ZNF385D: variants seen among roughly 807,000 people sequenced by gnomAD.
ZNF385D encodes zinc finger protein 659.
A neutral mutation model predicts 35.8 loss-of-function variants in ZNF385D; 15 were observed. That is an observed-to-expected ratio of 0.42 (90% CI 0.28 to 0.64). The LOEUF is 0.64. Among genes scored for constraint, ZNF385D ranks in the 30% least tolerant of loss-of-function variants. ZNF385D has a pLI of 0.23. For synonymous variants in ZNF385D, 212 were observed against 186.8 expected, an observed-to-expected ratio of 1.13 and a Z score of -1.10; for missense variants, 474 against 494.6, an observed-to-expected ratio of 0.96 and a Z score of 0.39.
intron 2 of ZNF385D, among the ~76,000 whole-genome samples, chr3:22,328,041 A>G (rs1325909436): frequency 6.6e-6 from 1 of 152,132 alleles, no homozygotes; most frequent in Non-Finnish European, 1.5e-5. Flanking sequence ...TTTGTTTTTC[A>G]TTACCTAAGT....
chr3:21,938,277 T>C lies in ZNF385D; in HGVS notation c.325+230540A>G, dbSNP rs1701356309. 1.3e-5 allele frequency among the ~76,000 whole-genome samples: 2 copies of C among 152,188 alleles called. 1 individual carries two copies. Among genetic ancestry groups the C allele is most frequent in the South Asian group, 4.1e-4 (2 of 4,828 alleles). ...ACAAGAACCCAGAAGAACGTTTTTG[T>C]GACTGACACCGGTGAGCCTGGCAGA... On this transcript the variant is annotated intron_variant, in intron 3 of 5. Coordinates refer to the ZNF385D transcript ENST00000494108.
At chr3:22,016,959 C>G (rs78030624) in intron 3 of ZNF385D, among the ~76,000 whole-genome samples, 1 of 143,258 alleles carries the variant, frequency 7.0e-6, no homozygotes, top group African/African-American at 2.5e-5. Flanking sequence ...CACACACAAA[C>G]ACACACACAC....
chr3:22,020,571 T>A (rs1697162935), intron 3 of ZNF385D, among the ~76,000 whole-genome samples: 1 of 151,858 alleles, frequency 6.6e-6, no homozygotes, highest in Admixed American at 6.6e-5. Flanking sequence ...TAAACCACAA[T>A]GAGATACCAT....
chr3:21,690,903 G>A (rs549237590), intron 1 of ZNF385D, among the ~76,000 whole-genome samples: 2 of 152,088 alleles, frequency 1.3e-5, no homozygotes, highest in Admixed American at 6.6e-5. Context: ...GTGCACCTAC[G>A]TGATCAATAT....
chr3:21,785,036 G>C (rs1011022313), intron 3 of ZNF385D, among the ~76,000 whole-genome samples: 1 of 152,074 alleles, frequency 6.6e-6, no homozygotes, highest in Admixed American at 6.6e-5. Flanking sequence ...CTCTAACATA[G>C]ATGCACACAC....
In ZNF385D at chr3:22,204,335, T is replaced by G. The variant is rs923250982; in HGVS notation, c.107-35300A>C. On this transcript the variant is annotated intron_variant, in intron 2 of 5. Transcript: ENST00000494108. ...GATAACAGCTGTAGTGACCAAGAACTTGTATGATAAAAGACAAGTTCCTCT... is the reference window on the plus strand; with the variant it reads ...GATAACAGCTGTAGTGACCAAGAACGTGTATGATAAAAGACAAGTTCCTCT... Among the ~76,000 whole-genome samples, 3 of 152,104 alleles carry G rather than the reference T, an allele frequency of 2.0e-5. 1 individual carries two copies. The highest frequency in any genetic ancestry group is 6.8e-3 in the Middle Eastern group (2 of 294).
At chr3:21,809,826 C>A (rs887785097) in intron 3 of ZNF385D, among the ~76,000 whole-genome samples, 1 of 151,190 alleles carries the variant, frequency 6.6e-6, no homozygotes, top group Non-Finnish European at 1.5e-5. Flanking sequence ...GTACAAAAAA[C>A]CAGAATATAA....
chr3:22,292,308 G>A (rs977695385), intron 2 of ZNF385D, among the ~76,000 whole-genome samples: 11 of 151,910 alleles, frequency 7.2e-5, no homozygotes, highest in Non-Finnish European at 1.3e-4. Context: ...AAAACATGCT[G>A]TATATTTACT....
intron 2 of ZNF385D, among the ~76,000 whole-genome samples, chr3:22,349,387 A>G (rs1277362674): frequency 6.6e-6 from 1 of 152,312 alleles, no homozygotes; most frequent in East Asian, 1.9e-4. Flanking sequence ...CAATGGAAAG[A>G]CTGCTCAGTG....
chr3:22,339,135 T>C (rs1695309164), intron 2 of ZNF385D, among the ~76,000 whole-genome samples: 1 of 152,228 alleles, frequency 6.6e-6, no homozygotes, highest in African/African-American at 2.4e-5. Context: ...CATGTGCTCC[T>C]GTACGCTGCC....
In ZNF385D at chr3:21,619,615, C is replaced by T. The variant is rs1356610166; in HGVS notation, c.165+45271G>A. On this transcript the variant is annotated intron_variant, in intron 2 of 7. Transcript: ENST00000281523. ...GCACTATTATAGAGAGAGACTCTTC[C>T]GTTAGAAACTCCTTGAGGATAACAA... is the stretch of plus-strand genomic sequence containing the variant. Among the ~76,000 whole-genome samples the T allele has an allele frequency of 1.4e-4, 21 of 152,180 alleles. 1 individual carries two copies. The highest frequency in any genetic ancestry group is 1.2e-3 in the South Asian group (6 of 4,830).
intron 1 of ZNF385D, among the ~76,000 whole-genome samples, chr3:21,710,330 T>A (rs1033577247): frequency 6.6e-6 from 1 of 152,200 alleles, no homozygotes; most frequent in Non-Finnish European, 1.5e-5. Context: ...TTTAGTAAAT[T>A]GGCTCTGCAA....
Position 22,063,467 on chromosome 3 carries a change from A to G in ZNF385D, c.325+105350T>C, listed in dbSNP as rs1311435694. 2.6e-5 allele frequency among the ~76,000 whole-genome samples: 4 copies of G among 152,212 alleles called. No homozygotes were observed. In the East Asian group the frequency reaches 5.8e-4, roughly 22 times the overall value. On this transcript the variant is annotated intron_variant, in intron 3 of 5. Coordinates refer to the ZNF385D transcript ENST00000494108. ...GCAAGCAATTTATTTAGAATATTCA[A>G]TAGATTTTTACATAAAACTTCCATG...
chr3:21,887,334 A>C lies in ZNF385D; in HGVS notation c.326-222306T>G, dbSNP rs1015522486. Among the ~76,000 whole-genome samples, 11 of 152,282 alleles carry C rather than the reference A, an allele frequency of 7.2e-5. No individual in the cohort carries two copies. In the East Asian group the frequency reaches 2.1e-3, roughly 29 times the overall value. ...TTTTAGAAATTATACAAGGAAACTTAACTATGCACATTAATAAAATAGTTT... is the reference window on the plus strand; with the variant it reads ...TTTTAGAAATTATACAAGGAAACTTCACTATGCACATTAATAAAATAGTTT... On this transcript the variant is annotated intron_variant, in intron 3 of 5. Coordinates refer to the ZNF385D transcript ENST00000494108.
intron 1 of ZNF385D, among the ~76,000 whole-genome samples, chr3:21,740,532 G>C (rs1490958866): frequency 6.6e-6 from 1 of 152,128 alleles, no homozygotes; most frequent in Non-Finnish European, 1.5e-5. Flanking sequence ...CTCTATAAAG[G>C]ATCCCAAGTA....
At chr3:22,326,341 G>A (rs927293000) in intron 2 of ZNF385D, among the ~76,000 whole-genome samples, 5 of 152,176 alleles carry the variant, frequency 3.3e-5, no homozygotes, top group African/African-American at 7.2e-5. Flanking sequence ...AAGACTGGGG[G>A]CCCAAAATCC....
intron 1 of ZNF385D, among the ~76,000 whole-genome samples, chr3:21,743,555 C>A (rs1193971448): frequency 6.6e-6 from 1 of 152,220 alleles, no homozygotes; most frequent in Non-Finnish European, 1.5e-5. Flanking sequence ...GTTAGGCTTT[C>A]TTCCTGGCTT....
rs2067497585 is a variant in ZNF385D at position 21,697,100 on chromosome 3, G to A, written c.23-32072C>T. On this transcript the variant is annotated intron_variant, in intron 1 of 7. Transcript: ENST00000281523. ...CTGCCTAGGTAGAAATCCATTAACT[G>A]GCTGTGTGACTTAGGGAGAGGTACT... Among the ~76,000 whole-genome samples the A allele has an allele frequency of 2.6e-5, 4 of 152,100 alleles. No individual in the cohort carries two copies. In the South Asian group the frequency reaches 8.3e-4, roughly 32 times the overall value.
intron 3 of ZNF385D, among the ~76,000 whole-genome samples, chr3:22,107,688 G>A (rs1255732762): frequency 1.3e-5 from 2 of 152,000 alleles, no homozygotes; most frequent in African/African-American, 4.8e-5. Context: ...TTTGCCAATT[G>A]TTGATATATT....
Sources: gnomAD v4.1 joint callset for allele counts (sites outside exome capture counted in the v4.1 genomes callset) on GRCh38, gnomAD v4.1.1 for gene constraint, MANE v1.5 for transcripts, NCBI Gene and HGNC (gene_info 2026-07-23, HGNC 2026-07-21) for gene names.